GABRB2: variants seen among roughly 807,000 people sequenced by gnomAD.
GABRB2 encodes the protein gamma-aminobutyric acid receptor subunit beta-2.
In GABRB2, 16 loss-of-function variants were observed where a neutral mutation model predicts 54.7. The ratio of observed to expected loss-of-function variants is 0.29; its 90% CI spans 0.20 to 0.44. The LOEUF is 0.44. Among genes scored for constraint, GABRB2 ranks in the 20% least tolerant of loss-of-function variants. The probability of loss-of-function intolerance (pLI) is 1.00; values close to 1 mark genes in which losing one functional copy is unlikely to be tolerated. For synonymous variants in GABRB2, 244 were observed against 233.8 expected (o/e 1.04, Z -0.40); for missense variants, 355 against 644.0 (o/e 0.55, Z 4.86).
At chr5:161,503,284 A>G (rs1451487815) in intron 3 of GABRB2, among the ~76,000 whole-genome samples, 1 of 152,134 alleles carries the variant, frequency 6.6e-6, no homozygotes, top group African/African-American at 2.4e-5. Flanking sequence ...TTAAAAATCA[A>G]GTAGAAATTC....
intron 3 of GABRB2, among the ~76,000 whole-genome samples, chr5:161,505,661 G>A (rs763828352): frequency 2.6e-5 from 4 of 152,066 alleles, no homozygotes; most frequent in Non-Finnish European, 5.9e-5. Flanking sequence ...ATACATTTCC[G>A]TGACTCATTA....
chr5:161,349,888 C>A (rs1463303992), intron 5 of GABRB2, among the ~76,000 whole-genome samples: 3 of 152,078 alleles, frequency 2.0e-5, no homozygotes, highest in African/African-American at 7.2e-5. Context: ...AGACCTTGAG[C>A]CAGAATCCCC....
rs749003852 is a variant in GABRB2, at chr5:161,402,230, T to C, written c.541+8745A>G. The stretch of plus-strand genomic sequence containing the variant: ...AATAGGCAACTGGTTACAGAAATTA[T>C]GGTTCATTTAAATGTAGATACTAGG... On this transcript the variant is annotated intron_variant, in intron 5 of 9. Transcript: ENST00000393959. 1.2e-4 allele frequency among the ~76,000 whole-genome samples: 19 copies of C among 152,098 alleles called. 1 individual carries two copies. The highest frequency in any genetic ancestry group is 2.2e-4 in the Non-Finnish European group (15 of 68,020).
intron 3 of GABRB2, among the ~76,000 whole-genome samples, chr5:161,512,064 G>A (rs746878526): frequency 6.6e-6 from 1 of 151,760 alleles, no homozygotes; most frequent in Non-Finnish European, 1.5e-5. Context: ...TCTACCCCTC[G>A]AATCTCCTGT....
intron 5 of GABRB2, among the ~76,000 whole-genome samples, chr5:161,388,257 T>C (rs1662847860): frequency 6.6e-6 from 1 of 152,076 alleles, no homozygotes; most frequent in African/African-American, 2.4e-5. Context: ...TAAAAACATT[T>C]CTGAAAGATT....
At chr5:161,493,948 T>C (rs1240414799) in intron 3 of GABRB2, among the ~76,000 whole-genome samples, 1 of 151,826 alleles carries the variant, frequency 6.6e-6, no homozygotes, top group Non-Finnish European at 1.5e-5. Flanking sequence ...TAATTACATA[T>C]GTTAAGTAGC....
chr5:161,455,590 G>A (rs944742840), intron 4 of GABRB2, among the ~76,000 whole-genome samples: 2 of 150,446 alleles, frequency 1.3e-5, no homozygotes, highest in African/African-American at 4.9e-5. Context: ...TAGCGCAGTG[G>A]CATGAATTCG....
At chr5:161,433,591 T>C (rs1447262493) in intron 4 of GABRB2, among the ~76,000 whole-genome samples, 1 of 151,778 alleles carries the variant, frequency 6.6e-6, no homozygotes, top group Non-Finnish European at 1.5e-5. Flanking sequence ...GCCTGGGCAA[T>C]GGAGTGATAC....
At chr5:161,302,619 T>C (rs1027371288) in intron 9 of GABRB2, among the ~76,000 whole-genome samples, 1 of 152,184 alleles carries the variant, frequency 6.6e-6, no homozygotes, top group Non-Finnish European at 1.5e-5. Flanking sequence ...ATCCTAACTG[T>C]GAAATTTCCA....
At chr5:161,433,763 A>T in intron 4 of GABRB2, among the ~76,000 whole-genome samples, 1 of 152,204 alleles carries the variant, frequency 6.6e-6, no homozygotes, top group East Asian at 1.9e-4. Flanking sequence ...ATACATTATT[A>T]ATTTATTTAC....
At chr5:161,485,427 T>C (rs1180595220) in intron 3 of GABRB2, among the ~76,000 whole-genome samples, 2 of 151,888 alleles carry the variant, frequency 1.3e-5, no homozygotes, top group Non-Finnish European at 2.9e-5. Flanking sequence ...TAAGAGAAAA[T>C]GGAGGTCACT....
At chr5:161,503,016 C>G (rs1759496235) in intron 3 of GABRB2, among the ~76,000 whole-genome samples, 2 of 151,724 alleles carry the variant, frequency 1.3e-5, no homozygotes, top group Non-Finnish European at 2.9e-5. Context: ...TCCAACAAGA[C>G]AGAAGATGAA....
intron 8 of GABRB2, chr5:161,329,950 C>T (rs1372600400): frequency 2.6e-5 from 4 of 152,170 alleles, no homozygotes. Context: ...AGAGAGCTGG[C>T]TCTACTGGGA....
chr5:161,474,137 A>C (rs1341219629), intron 3 of GABRB2, among the ~76,000 whole-genome samples: 3 of 151,966 alleles, frequency 2.0e-5, no homozygotes, highest in Non-Finnish European at 2.9e-5. Flanking sequence ...ACCAGCTCTA[A>C]GCATCTTATA....
intron 3 of GABRB2, among the ~76,000 whole-genome samples, chr5:161,532,195 A>G (rs2113456759): frequency 1.3e-5 from 2 of 152,228 alleles, no homozygotes; most frequent in South Asian, 4.1e-4. Context: ...AACACACCCT[A>G]GGTAAATAAG....
intron 3 of GABRB2, among the ~76,000 whole-genome samples, chr5:161,523,782 G>T (rs1760189616): frequency 6.6e-6 from 1 of 151,010 alleles, no homozygotes; most frequent in Non-Finnish European, 1.5e-5. Context: ...TGCTACACAG[G>T]ATCTTATATA....
intron 3 of GABRB2, among the ~76,000 whole-genome samples, chr5:161,482,717 G>A (rs1241662755): frequency 6.6e-6 from 1 of 152,070 alleles, no homozygotes; most frequent in African/African-American, 2.4e-5. Flanking sequence ...CATAGATGAA[G>A]TCTGCTATAT....
chr5:161,446,867 T>G (rs904213660), intron 4 of GABRB2, among the ~76,000 whole-genome samples: 2 of 152,040 alleles, frequency 1.3e-5, no homozygotes, highest in Admixed American at 6.6e-5. Context: ...AGCCTCCAAG[T>G]TTTTGAGTCA....
Position 161,459,859 on chromosome 5 carries a change from A to G in GABRB2, c.238-15T>C. 6.5e-7 allele frequency: 1 copy of G among 1,536,620 alleles called. No individual in the cohort carries two copies. Among genetic ancestry groups the G allele is most frequent in the Non-Finnish European group, 9.0e-7 (1 of 1,110,866 alleles). On this transcript the variant is annotated splice_polypyrimidine_tract_variant and intron_variant, in intron 3 of 9. Transcript: ENST00000393959. ...AAGGTATAATCCTGTAAATGTGAGA[A>G]AAAAAAACATGGTTAGTTTACACCC... is the stretch of plus-strand genomic sequence containing the variant.
Sources: allele counts gnomAD v4.1 joint callset (sites outside exome capture counted in the v4.1 genomes callset), GRCh38; gene constraint gnomAD v4.1.1; transcripts MANE v1.5; gene names NCBI Gene and HGNC (gene_info 2026-07-23, HGNC 2026-07-21).